FAM53B: variants seen among roughly 807,000 people sequenced by gnomAD.
FAM53B encodes the protein protein FAM53B.
A neutral mutation model predicts 32.7 loss-of-function variants in FAM53B; 12 were observed. The ratio of observed to expected loss-of-function variants is 0.37; its 90% CI spans 0.24 to 0.59. The LOEUF is 0.59. Ranked by LOEUF, FAM53B falls within the 20% of genes least tolerant of loss-of-function variation. The pLI, the probability that FAM53B is intolerant of heterozygous loss-of-function variation, is 0.72. For synonymous variants in FAM53B, 234 were observed against 228.7 expected (o/e 1.02, Z -0.21); for missense variants, 477 against 577.7 (o/e 0.83, Z 1.79).
At position 124,670,707 on chromosome 10, in the gene FAM53B, T is replaced by C. The variant is rs192746788; in HGVS notation, c.906+10900A>G. Among the ~76,000 whole-genome samples the C allele has an allele frequency of 5.7e-3, 873 of 152,360 alleles. 24 individuals carry two copies. The highest frequency in any genetic ancestry group is 0.045 in the Admixed American group (682 of 15,304). On this transcript the variant is annotated intron_variant, in intron 4 of 4. Transcript: ENST00000337318. ...CTGAACACATCTCATCATCTGTGAC[T>C]TTGTGCCAATGTCACCTCCTCAACA...
intron 3 of FAM53B, among the ~76,000 whole-genome samples, chr10:124,688,265 G>A (rs79895677): frequency 1.4e-3 from 218 of 152,308 alleles, no homozygotes; most frequent in African/African-American, 5.0e-3. Context: ...CCAAGCCCCT[G>A]GCAGACCTGA....
chr10:124,634,226 A>G (rs1313856975), intron 4 of FAM53B, among the ~76,000 whole-genome samples: 1 of 152,252 alleles, frequency 6.6e-6, no homozygotes, highest in African/African-American at 2.4e-5. Context: ...TGGCCATAAA[A>G]AGAAAGGAGA....
intron 1 of FAM53B, among the ~76,000 whole-genome samples, chr10:124,716,897 C>T (rs530005876): frequency 2.8e-4 from 42 of 152,150 alleles, no homozygotes; most frequent in Middle Eastern, 6.8e-3. Flanking sequence ...ATGAGGGGAC[C>T]GCAGCGGGCC....
chr10:124,735,659 C>T (rs1239548094), intron 1 of FAM53B, among the ~76,000 whole-genome samples: 1 of 152,266 alleles, frequency 6.6e-6, no homozygotes, highest in African/African-American at 2.4e-5. Context: ...TCCTTCCAGC[C>T]TCCCTTCAGT....
rs547045830 is a variant in FAM53B, at chr10:124,646,465, T to C, written c.907-22861A>G. Among the ~76,000 whole-genome samples, 5 of 152,368 alleles carry C rather than the reference T, an allele frequency of 3.3e-5. No homozygotes were observed. The South Asian group carries it at 8.3e-4, about 25-fold the overall frequency. ...TCCCAGAACAAACGGAACCGTTTTG[T>C]TACCATCTACCACAGGCCAAGGCCC... On this transcript the variant is annotated intron_variant, in intron 4 of 4. Coordinates refer to ENST00000337318, the MANE Select transcript of FAM53B (RefSeq NM_014661.4).
chr10:124,718,754 G>C (rs1437346734), intron 1 of FAM53B, among the ~76,000 whole-genome samples: 1 of 152,258 alleles, frequency 6.6e-6, no homozygotes, highest in Admixed American at 6.5e-5. Context: ...TTTCTGCAAA[G>C]AAGGGCTTCA....
intron 2 of FAM53B, among the ~76,000 whole-genome samples, chr10:124,706,308 A>AC (rs1312116795): frequency 6.6e-6 from 1 of 151,222 alleles, no homozygotes; most frequent in Non-Finnish European, 1.5e-5. Context: ...TCTGGAAACC[A>AC]CCCCCCCTTA....
intron 4 of FAM53B, among the ~76,000 whole-genome samples, chr10:124,627,989 C>G (rs1949366623): frequency 6.6e-6 from 1 of 152,226 alleles, no homozygotes; most frequent in Non-Finnish European, 1.5e-5. Context: ...CTCATCAACT[C>G]AACATATCAG....
intron 3 of FAM53B, among the ~76,000 whole-genome samples, chr10:124,683,350 C>T (rs1949784456): frequency 6.6e-6 from 1 of 152,160 alleles, no homozygotes; most frequent in African/African-American, 2.4e-5. Context: ...ACAAAATATG[C>T]CATGATATCA....
intron 4 of FAM53B, among the ~76,000 whole-genome samples, chr10:124,646,577 C>T (rs1207016306): frequency 6.6e-6 from 1 of 152,216 alleles, no homozygotes; most frequent in Non-Finnish European, 1.5e-5. Flanking sequence ...GACGAGGTTC[C>T]CGATAGGTGC....
chr10:124,719,846 G>A (rs1347807695), intron 1 of FAM53B, among the ~76,000 whole-genome samples: 4 of 151,790 alleles, frequency 2.6e-5, no homozygotes, highest in African/African-American at 9.7e-5. Flanking sequence ...AAAATGTGCA[G>A]GAGAAGGAAA....
intron 1 of FAM53B, among the ~76,000 whole-genome samples, chr10:124,727,178 C>T (rs748667762): frequency 6.6e-6 from 1 of 151,928 alleles, no homozygotes; most frequent in Non-Finnish European, 1.5e-5. Flanking sequence ...CCATAACACC[C>T]GGCTAATTTT....
At chr10:124,667,066 G>GC (rs551767986) in intron 4 of FAM53B, 79 of 306,468 alleles carry the variant, frequency 2.6e-4, no homozygotes, top group African/African-American at 1.7e-3. Context: ...GTACCCCAAA[G>GC]CCCCACTCAG....
chr10:124,693,914 G>A (rs1036284453), intron 3 of FAM53B, among the ~76,000 whole-genome samples: 4 of 152,188 alleles, frequency 2.6e-5, no homozygotes, highest in African/African-American at 9.7e-5. Context: ...CACACAGCAG[G>A]TGCTCAAGTC....
At position 124,619,292 on chromosome 10, in the gene FAM53B, T is replaced by G. The variant is rs978882074; in HGVS notation, c.*3950A>C. On this transcript the variant is annotated 3_prime_UTR_variant, in exon 5 of 5. Transcript: ENST00000337318. Reference sequence around the variant, plus strand: ...AAACCACACAGCTGGCACCAGGCACTTGGGTATTGAACCAGGAAGCTTTAT... The same window carrying G: ...AAACCACACAGCTGGCACCAGGCACGTGGGTATTGAACCAGGAAGCTTTAT... 2.0e-5 allele frequency: 3 copies of G among 152,896 alleles called. No homozygotes were observed. The highest frequency in any genetic ancestry group is 6.5e-5 in the Admixed American group (1 of 15,292). The allele number at this position is 152,896 out of a possible 1,614,324, so 9.5% of individuals were successfully genotyped here.
intron 3 of FAM53B, among the ~76,000 whole-genome samples, chr10:124,691,911 G>A (rs1949835117): frequency 6.6e-6 from 1 of 152,210 alleles, no homozygotes. Context: ...CTAGAAATGA[G>A]AGCCAGGAGC....
chr10:124,714,452 A>T (rs1235757393), intron 1 of FAM53B, among the ~76,000 whole-genome samples: 1 of 152,138 alleles, frequency 6.6e-6, no homozygotes, highest in Non-Finnish European at 1.5e-5. Context: ...CTCAACACAC[A>T]GAAAAAAAGA....
chr10:124,718,221 C>T (rs542831499), intron 1 of FAM53B, among the ~76,000 whole-genome samples: 39 of 152,108 alleles, frequency 2.6e-4, no homozygotes, highest in Admixed American at 5.9e-4. Flanking sequence ...CTGCTATAGG[C>T]ACGAGAGGCA....
At chr10:124,657,234 CTG>C (rs1233822595) in intron 4 of FAM53B, among the ~76,000 whole-genome samples, 1 of 149,588 alleles carries the variant, frequency 6.7e-6, no homozygotes, top group Non-Finnish European at 1.5e-5. Flanking sequence ...GGAAAAAAAA[CTG>C]TGTCTGCTTT....
Sources: allele counts gnomAD v4.1 joint callset (sites outside exome capture counted in the v4.1 genomes callset), GRCh38; gene constraint gnomAD v4.1.1; transcripts MANE v1.5; gene names NCBI Gene and HGNC (gene_info 2026-07-23, HGNC 2026-07-21).